The following ANOS1 variants were observed in gnomAD, a reference collection of about 807,000 sequenced individuals.
ANOS1 encodes the protein anosmin-1.
Under a neutral mutation model 59.0 loss-of-function variants are expected in ANOS1, and 6 were observed. The ratio of observed to expected loss-of-function variants is 0.10; its 90% CI spans 0.06 to 0.20. The LOEUF (loss-of-function observed/expected upper bound fraction) is 0.20. Ranked by LOEUF, ANOS1 falls within the 10% of genes least tolerant of loss-of-function variation. The pLI is 1.00. For synonymous variants in ANOS1, 217 were observed against 223.4 expected (o/e 0.97, Z 0.25); for missense variants, 433 against 542.3 (o/e 0.80, Z 2.00).
At chrX:8,633,701 G>A (rs1372869545) in intron 2 of ANOS1, among the ~76,000 whole-genome samples, 1 of 112,033 alleles carries the variant, frequency 8.9e-6, no homozygotes, top group Non-Finnish European at 1.9e-5. Context: ...AAACTCAGGT[G>A]TCTCCTGAAA....
chrX:8,725,595 G>GAT (rs780398697), intron 1 of ANOS1, among the ~76,000 whole-genome samples: 18 of 43,042 alleles, frequency 4.2e-4, no homozygotes, highest in East Asian at 4.1e-3. Context: ...TATATATACA[G>GAT]ATATATATAT....
At chrX:8,569,221 T>C (rs974021030) in intron 7 of ANOS1, among the ~76,000 whole-genome samples, 1 of 112,351 alleles carries the variant, frequency 8.9e-6, no homozygotes, top group Non-Finnish European at 1.9e-5. Flanking sequence ...CATGTCACTT[T>C]TTGCTCTAGA....
chrX:8,556,515 C>T (rs1929952457), intron 8 of ANOS1, among the ~76,000 whole-genome samples: 1 of 111,740 alleles, frequency 8.9e-6, no homozygotes, highest in South Asian at 3.7e-4. Context: ...GCAAAAATCA[C>T]AAGCATTCCT....
chrX:8,695,869 G>A (rs1310726622), intron 2 of ANOS1, among the ~76,000 whole-genome samples: 6 of 111,414 alleles, frequency 5.4e-5, no homozygotes, highest in African/African-American at 2.0e-4. Context: ...CAAATCCTGT[G>A]TAGGGGATTT....
At chrX:8,576,830 C>A (rs1236202296) in intron 6 of ANOS1, among the ~76,000 whole-genome samples, 1 of 111,458 alleles carries the variant, frequency 9.0e-6, no homozygotes. Flanking sequence ...GGACAATATC[C>A]CTACAGAATG....
chrX:8,563,708 C>T (rs1241043293), intron 8 of ANOS1, among the ~76,000 whole-genome samples: 1 of 112,253 alleles, frequency 8.9e-6, no homozygotes, highest in African/African-American at 3.2e-5. Flanking sequence ...TTGCATTCAG[C>T]TGAGTTGCAG....
intron 1 of ANOS1, among the ~76,000 whole-genome samples, chrX:8,718,415 C>T (rs1602042678): frequency 8.9e-6 from 1 of 112,025 alleles, no homozygotes; most frequent in Non-Finnish European, 1.9e-5. Context: ...AACAAAGTGC[C>T]CACCTTCAAA....
At chrX:8,620,736 G>A (rs979887942) in intron 3 of ANOS1, among the ~76,000 whole-genome samples, 6 of 111,969 alleles carry the variant, frequency 5.4e-5, no homozygotes, top group East Asian at 2.8e-4. Context: ...TTATTTAACC[G>A]TTGGGCTGAA....
chrX:8,543,267 A>T (rs1929715397), intron 9 of ANOS1, among the ~76,000 whole-genome samples: 1 of 111,267 alleles, frequency 9.0e-6, no homozygotes, highest in African/African-American at 3.3e-5. Flanking sequence ...AAGACATGAT[A>T]TTACATAAGG....
At chrX:8,694,747 C>T (rs936330468) in intron 2 of ANOS1, among the ~76,000 whole-genome samples, 2 of 111,810 alleles carry the variant, frequency 1.8e-5, no homozygotes, top group African/African-American at 6.5e-5. Context: ...AAATATATCA[C>T]GTTTTATCAG....
At position 8,652,284 on chromosome X, in the gene ANOS1, G is replaced by A. The variant is rs767860023; in HGVS notation, c.256-28614C>T. Among the ~76,000 whole-genome samples, 4 of 111,499 alleles carry A rather than the reference G, an allele frequency of 3.6e-5. No individual in the cohort carries two copies. In the East Asian group the frequency reaches 1.1e-3, roughly 32 times the overall value. The stretch of plus-strand genomic sequence containing the variant: ...GGCCTCCCATGTACATTTAGTTTCT[G>A]ATTTTTGTTTTTAGGAATGATTCAA... On this transcript the variant is annotated intron_variant, in intron 2 of 13. Transcript: ENST00000262648.
Position 8,668,430 on chromosome X carries a change from T to TATATATATATAC in ANOS1, c.255+31267_255+31268insGTATATATATAT, listed in dbSNP as rs1394731479. On this transcript the variant is annotated intron_variant, in intron 2 of 13. Coordinates refer to ENST00000262648, the MANE Select transcript of ANOS1 (RefSeq NM_000216.4). ...ATATATATATATATATATATATATATACACACACATACATATATATATATG... is the reference window on the plus strand; with the variant it reads ...ATATATATATATATATATATATATATATATATATATACACACACACATACATATATATATATG... Among the ~76,000 whole-genome samples, 95 of 80,176 alleles carry TATATATATATAC rather than the reference T, an allele frequency of 1.2e-3. 1 individual carries two copies. Among genetic ancestry groups the TATATATATATAC allele is most frequent in the African/African-American group, 1.7e-3 (34 of 20,185 alleles). The allele number at this position is 80,176 out of a possible 115,157, so 69.6% of individuals were successfully genotyped here. A position where few individuals can be genotyped will look rare whatever the true frequency, so the allele number is the denominator to read the frequency against.
chrX:8,633,351 T>C (rs145965808), intron 2 of ANOS1, among the ~76,000 whole-genome samples: 324 of 111,632 alleles, frequency 2.9e-3, no homozygotes, highest in African/African-American at 9.9e-3. Flanking sequence ...AGAAACTACA[T>C]AAGTAAATGA....
In ANOS1 at chrX:8,731,921, A is replaced by G. The variant is rs1481002455; in HGVS notation, c.116T>C (p.Leu39Pro). ...AGCGCGCTGGACGCTCCCGGCAGACAGCGACTCGTCCAGCCGCCGCGCAGC... is the reference window on the plus strand; with the variant it reads ...AGCGCGCTGGACGCTCCCGGCAGACGGCGACTCGTCCAGCCGCCGCGCAGC... ...AAAARRLDES[L>P]SAGSVQRARC... Residue 39 changes from leucine to proline, a missense_variant, in exon 1 of 14, where the codon CTG (leucine) becomes CCG (proline). Leu to Pro is a moderately conservative substitution (Grantham distance 98). Coordinates refer to ENST00000262648, the MANE Select transcript of ANOS1 (RefSeq NM_000216.4). 1 of 1,165,828 alleles carries G rather than the reference A, an allele frequency of 8.6e-7. No homozygotes were observed. Among genetic ancestry groups the G allele is most frequent in the Non-Finnish European group, 1.1e-6 (1 of 874,948 alleles).
chrX:8,568,458 T>A lies in ANOS1; in HGVS notation c.1063-82A>T, dbSNP rs186978758. 1.8e-3 allele frequency: 1,587 copies of A among 906,590 alleles called. 12 individuals carry two copies. The highest frequency in any genetic ancestry group is 5.6e-3 in the African/African-American group (286 of 50,980). The allele number at this position is 906,590 out of a possible 1,213,427, so 74.7% of individuals were successfully genotyped here. On this transcript the variant is annotated intron_variant, in intron 7 of 13. Transcript: ENST00000262648. Reference sequence around the variant, plus strand: ...TTCATTGCAAAATCTCGTGTGTCATTATGAAGCATGCCAACTTCTGATTTC... The same window carrying A: ...TTCATTGCAAAATCTCGTGTGTCATAATGAAGCATGCCAACTTCTGATTTC...
intron 10 of ANOS1, among the ~76,000 whole-genome samples, chrX:8,537,169 T>C (rs998493566): frequency 4.5e-5 from 5 of 111,851 alleles, no homozygotes; most frequent in Admixed American, 1.9e-4. Flanking sequence ...TTAAACAGTA[T>C]CATAATAATT....
At chrX:8,725,753 TAC>T (rs1222780534) in intron 1 of ANOS1, among the ~76,000 whole-genome samples, 1 of 96,864 alleles carries the variant, frequency 1.0e-5, no homozygotes, top group Non-Finnish European at 2.0e-5. Context: ...TATATATATA[TAC>T]AGATATATAT....
chrX:8,574,486 G>A (rs913708939), intron 6 of ANOS1, among the ~76,000 whole-genome samples: 13 of 111,090 alleles, frequency 1.2e-4, no homozygotes, highest in Non-Finnish European at 2.3e-4. Context: ...CACTGGACTG[G>A]AAAAGGCAGA....
intron 2 of ANOS1, among the ~76,000 whole-genome samples, chrX:8,668,027 T>C (rs948503849): frequency 9.1e-6 from 1 of 110,410 alleles, no homozygotes; most frequent in East Asian, 2.9e-4. Context: ...TTTAAGGTAT[T>C]TTTAAATTTT....
Sources: allele counts gnomAD v4.1 joint callset (sites outside exome capture counted in the v4.1 genomes callset), GRCh38; gene constraint gnomAD v4.1.1; transcripts MANE v1.5; gene names NCBI Gene and HGNC (gene_info 2026-07-23, HGNC 2026-07-21).